The following THSD7A variants were observed in gnomAD, a reference collection of about 807,000 sequenced individuals.
The protein encoded by THSD7A is thrombospondin type-1 domain-containing protein 7A.
A neutral mutation model predicts 231.3 loss-of-function variants in THSD7A; 96 were observed. The ratio of observed to expected loss-of-function variants is 0.41; its 90% CI spans 0.35 to 0.49. The LOEUF (loss-of-function observed/expected upper bound fraction) is 0.49, where lower values mean the gene tolerates loss of function less well. THSD7A is among the 20% of genes least tolerant of loss of function. The pLI is 0.05. For missense variants in THSD7A, 2,290 were observed against 2,070.2 expected, an observed-to-expected ratio of 1.11 and a Z score of -2.06; for synonymous variants, 940 against 743.3, an observed-to-expected ratio of 1.26 and a Z score of -4.30.
chr7:11,487,898 G>A (rs1357243522), intron 6 of THSD7A, among the ~76,000 whole-genome samples: 1 of 152,078 alleles, frequency 6.6e-6, no homozygotes, highest in Non-Finnish European at 1.5e-5. Context: ...TCAATGTTCT[G>A]CCTATTCTCT....
chr7:11,526,892 T>TA (rs992445430), intron 6 of THSD7A, among the ~76,000 whole-genome samples: 30 of 151,956 alleles, frequency 2.0e-4, no homozygotes, highest in Middle Eastern at 3.4e-3. Context: ...GTAACCAAAT[T>TA]AAAAAAAATG....
intron 13 of THSD7A, among the ~76,000 whole-genome samples, chr7:11,430,096 C>A (rs967593441): frequency 2.0e-5 from 3 of 152,106 alleles, no homozygotes; most frequent in African/African-American, 7.2e-5. Context: ...GTTCTTGGTA[C>A]AAGAAAACAC....
At chr7:11,645,026 T>C (rs974196160) in intron 1 of THSD7A, among the ~76,000 whole-genome samples, 4 of 151,928 alleles carry the variant, frequency 2.6e-5, no homozygotes, top group Non-Finnish European at 4.4e-5. Flanking sequence ...AATTTTAAGG[T>C]TTTAAAATAC....
chr7:11,708,505 A>T (rs1780843082), intron 1 of THSD7A, among the ~76,000 whole-genome samples: 1 of 150,774 alleles, frequency 6.6e-6, no homozygotes, highest in Admixed American at 6.6e-5. Flanking sequence ...TTGAGAGAAC[A>T]AAGTACAAGT....
intron 2 of THSD7A, among the ~76,000 whole-genome samples, chr7:11,608,877 T>C (rs1359024240): frequency 6.6e-6 from 1 of 152,148 alleles, no homozygotes; most frequent in Non-Finnish European, 1.5e-5. Flanking sequence ...TTGCTGCACA[T>C]GTTTCCTATT....
chr7:11,389,473 G>C (rs1340413649), intron 23 of THSD7A, among the ~76,000 whole-genome samples: 1 of 77,026 alleles, frequency 1.3e-5, no homozygotes, highest in Admixed American at 1.9e-4. Context: ...TATTTGCTTG[G>C]TAAATATCCC....
chr7:11,719,460 A>G (rs940799411), intron 1 of THSD7A, among the ~76,000 whole-genome samples: 3 of 151,368 alleles, frequency 2.0e-5, no homozygotes, highest in Non-Finnish European at 4.4e-5. Flanking sequence ...CATTTTTTCA[A>G]TTTCATAATT....
At chr7:11,566,772 G>A (rs1790346465) in intron 4 of THSD7A, among the ~76,000 whole-genome samples, 1 of 152,034 alleles carries the variant, frequency 6.6e-6, no homozygotes, top group Non-Finnish European at 1.5e-5. Context: ...CTTTTCTCAA[G>A]TTTACACTGC....
Position 11,375,873 on chromosome 7 carries a change from T to A in THSD7A, c.4895A>T (p.Lys1632Met). 1 of 1,612,514 alleles carries A rather than the reference T, an allele frequency of 6.2e-7. No homozygotes were observed. Among genetic ancestry groups the A allele is most frequent in the Non-Finnish European group, 8.5e-7 (1 of 1,178,918 alleles). Residue 1632 changes from lysine (K) to methionine (M), a missense_variant, in exon 28 of 28, where the codon AAG (lysine) becomes ATG (methionine). Physicochemically the swap from Lys to Met is moderately conservative, Grantham distance 95. Transcript: ENST00000423059. Reference protein sequence around the residue: ...IVSMIYLACKKPKKPQRRQNN... With the variant: ...IVSMIYLACKMPKKPQRRQNN... Reference sequence around the variant, plus strand: ...TTGCCTTCTTTGGGGTTTCTTTGGCTTTTTGCTGTAAAAAAATTCGGAATT... The same window carrying A: ...TTGCCTTCTTTGGGGTTTCTTTGGCATTTTGCTGTAAAAAAATTCGGAATT...
chr7:11,439,014 C>A (rs113404944), intron 13 of THSD7A, among the ~76,000 whole-genome samples: 1 of 151,766 alleles, frequency 6.6e-6, no homozygotes, highest in Non-Finnish European at 1.5e-5. Flanking sequence ...CACAAAAAGT[C>A]TTAGAGTAAA....
chr7:11,695,426 A>G (rs1780358049), intron 1 of THSD7A, among the ~76,000 whole-genome samples: 2 of 151,474 alleles, frequency 1.3e-5, no homozygotes, highest in Admixed American at 1.3e-4. Context: ...TGGATCCTCA[A>G]TAGCCTACTT....
In THSD7A at chr7:11,636,623, A is replaced by G; in HGVS notation, c.529T>C (p.Phe177Leu). 1.2e-6 allele frequency: 2 copies of G among 1,614,006 alleles called. No individual in the cohort carries two copies. Among genetic ancestry groups the G allele is most frequent in the Non-Finnish European group, 1.7e-6 (2 of 1,179,886 alleles). ...TGCTCCAGGAGAGGCTTGGGCTCAA[A>G]GTACTCACAGATGATATCCTCCGCA... ...IPAEDIICEYFEPKPLLEQAC... is the reference protein window; with the variant it reads ...IPAEDIICEYLEPKPLLEQAC... The change falls in exon 2 of 28, where the codon TTT (phenylalanine) becomes CTT (leucine). Residue 177 changes from phenylalanine to leucine, a missense_variant. Transcript: ENST00000423059. This position sits in a 1 kb window ranked among gnomAD's most constrained non-coding sequence, Gnocchi z 10.0.
Position 11,831,904 on chromosome 7 carries a change from C to T in THSD7A, c.43G>A (p.Ala15Thr), listed in dbSNP as rs1371870105. The T allele has an allele frequency of 1.6e-6, 2 of 1,238,884 alleles. No homozygotes were observed. Among genetic ancestry groups the T allele is most frequent in the Non-Finnish European group, 1.0e-6 (1 of 994,924 alleles). 76.7% of individuals were successfully genotyped at this position (1,238,884 alleles called of 1,614,324 possible). A position where few individuals can be genotyped will look rare whatever the true frequency, so the allele number is the denominator to read the frequency against. Residue 15 changes from alanine to threonine, a missense_variant, in exon 1 of 28, where the codon GCT (alanine) becomes ACT (threonine). By Grantham distance (58) the Ala-to-Thr change is moderately conservative. Coordinates refer to ENST00000423059, the MANE Select transcript of THSD7A (RefSeq NM_015204.3). The surrounding 1 kb of genome is among the most constrained non-coding windows in gnomAD (Gnocchi z 5.0). ...ARRWASGSRG[A>T]AGPRRGVLQL... The stretch of plus-strand genomic sequence containing the variant: ...AGGACGCCCCGGCGCGGCCCCGCAG[C>T]GCCCCGGCTCCCGGACGCCCAGCGC...
chr7:11,786,315 T>C (rs1160934928), intron 1 of THSD7A, among the ~76,000 whole-genome samples: 2 of 152,016 alleles, frequency 1.3e-5, no homozygotes, highest in South Asian at 2.1e-4. Context: ...CCATCCTACA[T>C]GGTTGTGACC....
At chr7:11,387,798 G>T (rs1307934327) in intron 23 of THSD7A, among the ~76,000 whole-genome samples, 1 of 152,120 alleles carries the variant, frequency 6.6e-6, no homozygotes, top group African/African-American at 2.4e-5. Context: ...GTTTTCAAAG[G>T]GAATTCTTCC....
chr7:11,763,523 T>C (rs1225246257), intron 1 of THSD7A, among the ~76,000 whole-genome samples: 1 of 152,172 alleles, frequency 6.6e-6, no homozygotes, highest in African/African-American at 2.4e-5. Context: ...TAAATACATA[T>C]AGATATATCT....
At chr7:11,674,902 C>G (rs1476003733) in intron 1 of THSD7A, among the ~76,000 whole-genome samples, 1 of 152,078 alleles carries the variant, frequency 6.6e-6, no homozygotes, top group African/African-American at 2.4e-5. Flanking sequence ...GAAACCTAAT[C>G]CAATGAAGCC....
chr7:11,533,250 A>G (rs1431480411), intron 6 of THSD7A, among the ~76,000 whole-genome samples: 1 of 152,220 alleles, frequency 6.6e-6, no homozygotes. Flanking sequence ...CCAGAGGCCA[A>G]CTGAGAAAGT....
intron 9 of THSD7A, among the ~76,000 whole-genome samples, chr7:11,465,019 T>C (rs367714270): frequency 6.6e-6 from 1 of 152,160 alleles, no homozygotes; most frequent in African/African-American, 2.4e-5. Context: ...GCTGGCAAAC[T>C]GGGAATTTTA....
Sources: gnomAD v4.1 joint callset for allele counts (sites outside exome capture counted in the v4.1 genomes callset) on GRCh38, gnomAD v4.1.1 for gene constraint, Gnocchi (gnomAD v3.1) non-coding constraint, MANE v1.5 for transcripts, NCBI Gene and HGNC (gene_info 2026-07-23, HGNC 2026-07-21) for gene names.